LPP: variants seen among roughly 807,000 people sequenced by gnomAD.
The protein encoded by LPP is LIM domain containing preferred translocation partner in lipoma.
LPP carries 38 observed loss-of-function variants against 60.4 expected under a neutral mutation model. The observed-to-expected ratio is 0.63, with a 90% CI of 0.49 to 0.83. The LOEUF (loss-of-function observed/expected upper bound fraction) is 0.83. Ranked by LOEUF, LPP falls within the 40% of genes least tolerant of loss-of-function variation. The pLI is 0.00. For missense variants in LPP, 902 were observed against 783.6 expected (o/e 1.15, Z -1.80); for synonymous variants, 328 against 290.8 (o/e 1.13, Z -1.30).
chr3:188,822,235 A>G (rs1054392428), intron 9 of LPP, among the ~76,000 whole-genome samples: 2 of 152,226 alleles, frequency 1.3e-5, no homozygotes, highest in Admixed American at 6.5e-5. Flanking sequence ...TTGAAGTGAA[A>G]TGAAGCAACA....
intron 8 of LPP, chr3:188,711,129 T>C (rs1866549351): frequency 6.6e-6 from 1 of 152,212 alleles, no homozygotes; most frequent in Non-Finnish European, 1.5e-5. Flanking sequence ...CCATTAATAA[T>C]GCTCAATTTA....
At chr3:188,846,579 G>A (rs969677729) in intron 9 of LPP, among the ~76,000 whole-genome samples, 2 of 151,590 alleles carry the variant, frequency 1.3e-5, no homozygotes, top group Non-Finnish European at 2.9e-5. Flanking sequence ...AGCTACTTGG[G>A]AGGCTGAGGC....
intron 2 of LPP, among the ~76,000 whole-genome samples, chr3:188,253,073 C>CTTT (rs113892337): frequency 1.5e-5 from 2 of 136,568 alleles, no homozygotes; most frequent in African/African-American, 2.7e-5. Context: ...GTGCTCAGTC[C>CTTT]TTTTTTTTTT....
intron 5 of LPP, among the ~76,000 whole-genome samples, chr3:188,490,567 C>T (rs929994000): frequency 6.6e-6 from 1 of 151,598 alleles, no homozygotes; most frequent in Admixed American, 6.6e-5. Flanking sequence ...TTTCGCCACA[C>T]AGGCCAGTCT....
At position 188,889,667 on chromosome 3, in the gene LPP, A is replaced by G. The variant is rs1771045699; in HGVS notation, c.*15188A>G. 4.5e-6 allele frequency: 1 copy of G among 224,068 alleles called. No individual in the cohort carries two copies. The highest frequency in any genetic ancestry group is 8.9e-6 in the Non-Finnish European group (1 of 112,228). 13.9% of individuals were successfully genotyped at this position (224,068 alleles called of 1,614,324 possible). A position where few individuals can be genotyped will look rare whatever the true frequency, so the allele number is the denominator to read the frequency against. On this transcript the variant is annotated 3_prime_UTR_variant, in exon 12 of 12. Transcript: ENST00000617246. ...GGACTCCATGCCATTGCAGTCAGCCACCATTCTCTTTTCCATATAAGGAGC... is the reference window on the plus strand; with the variant it reads ...GGACTCCATGCCATTGCAGTCAGCCGCCATTCTCTTTTCCATATAAGGAGC...
At chr3:188,680,881 G>A (rs937327174) in intron 7 of LPP, among the ~76,000 whole-genome samples, 4 of 152,046 alleles carry the variant, frequency 2.6e-5, no homozygotes, top group African/African-American at 4.8e-5. Context: ...GGAGCACTGA[G>A]TATCCTTGCA....
chr3:188,501,566 G>A (rs976606513), intron 5 of LPP, among the ~76,000 whole-genome samples: 2 of 151,936 alleles, frequency 1.3e-5, no homozygotes, highest in Admixed American at 6.6e-5. Flanking sequence ...TGGCTAACGC[G>A]GTGAAACCCT....
At chr3:188,624,080 C>A (rs1846320302) in intron 7 of LPP, among the ~76,000 whole-genome samples, 1 of 152,174 alleles carries the variant, frequency 6.6e-6, no homozygotes, top group African/African-American at 2.4e-5. Context: ...CTAAAGACCT[C>A]CTTAGCTCCA....
At chr3:188,769,967 A>G (rs1577437783) in intron 9 of LPP, among the ~76,000 whole-genome samples, 1 of 152,098 alleles carries the variant, frequency 6.6e-6, no homozygotes, top group Non-Finnish European at 1.5e-5. Flanking sequence ...TCACCACTCA[A>G]TGTTTGCCAG....
chr3:188,834,281 CTT>C (rs1757789634), intron 9 of LPP, among the ~76,000 whole-genome samples: 1 of 123,498 alleles, frequency 8.1e-6, no homozygotes, highest in South Asian at 2.7e-4. Context: ...TTTCATCAAA[CTT>C]ATTATTTACC....
At chr3:188,380,439 C>G (rs1776564352) in intron 3 of LPP, among the ~76,000 whole-genome samples, 1 of 152,246 alleles carries the variant, frequency 6.6e-6, no homozygotes, top group South Asian at 2.1e-4. Context: ...GATATTGAGT[C>G]TATCCTTGTT....
chr3:188,583,188 T>C (rs1163519876), intron 6 of LPP, among the ~76,000 whole-genome samples: 1 of 152,206 alleles, frequency 6.6e-6, no homozygotes, highest in South Asian at 2.1e-4. Context: ...TGGTTTGTTT[T>C]CCACGTGCGA....
intron 9 of LPP, among the ~76,000 whole-genome samples, chr3:188,838,194 T>G (rs1004049173): frequency 2.0e-5 from 3 of 152,224 alleles, no homozygotes; most frequent in South Asian, 4.1e-4. Context: ...TTTCTGTTAT[T>G]ACAATAAATG....
chr3:188,708,155 A>C, intron 7 of LPP, 112 bp from the exon 8 acceptor site: 3 of 1,191,324 alleles, frequency 2.5e-6, no homozygotes, highest in Non-Finnish European at 3.5e-6. Context: ...GTCTCCTGAC[A>C]GCCACGTCCA....
intron 6 of LPP, among the ~76,000 whole-genome samples, chr3:188,595,370 A>G (rs1839789786): frequency 6.6e-6 from 1 of 152,208 alleles, no homozygotes; most frequent in Non-Finnish European, 1.5e-5. Flanking sequence ...GTTTCACTGG[A>G]GGAATAAGAC....
At chr3:188,197,181 G>T (rs1296335062) in intron 1 of LPP, among the ~76,000 whole-genome samples, 1 of 152,154 alleles carries the variant, frequency 6.6e-6, no homozygotes, top group Non-Finnish European at 1.5e-5. Flanking sequence ...TTCAAGGAAT[G>T]GTGACATTTA....
At chr3:188,819,027 CGTGTGTGTGTGTGTGTGTGTGT>C (rs59994224) in intron 9 of LPP, among the ~76,000 whole-genome samples, 3 of 142,198 alleles carry the variant, frequency 2.1e-5, no homozygotes, top group Non-Finnish European at 3.1e-5. Context: ...TCATGGGGGT[CGTGTGTGTGTGTGTGTGTGTGT>C]GTGTGTGTGT....
At chr3:188,544,534 C>G (rs1366891118) in intron 6 of LPP, among the ~76,000 whole-genome samples, 1 of 148,886 alleles carries the variant, frequency 6.7e-6, no homozygotes, top group Non-Finnish European at 1.5e-5. Context: ...CAGAGAAATG[C>G]AAATCAAAAC....
At position 188,827,446 on chromosome 3, in the gene LPP, T is replaced by G. The variant is rs558478454; in HGVS notation, c.1411-38754T>G. ...AACTTTAGAGGGAAACATGACTATT[T>G]CCATCATATGGTGATTCTACAGAGC... On this transcript the variant is annotated intron_variant, in intron 9 of 11. Coordinates refer to ENST00000617246, the MANE Select transcript of LPP (RefSeq NM_001375462.1). Among the ~76,000 whole-genome samples, 55 of 152,300 alleles carry G rather than the reference T, an allele frequency of 3.6e-4. 1 individual carries two copies. Among genetic ancestry groups the G allele is most frequent in the African/African-American group, 1.3e-3 (53 of 41,556 alleles).
Sources: allele counts gnomAD v4.1 joint callset (sites outside exome capture counted in the v4.1 genomes callset), GRCh38; gene constraint gnomAD v4.1.1; transcripts MANE v1.5; gene names NCBI Gene and HGNC (gene_info 2026-07-23, HGNC 2026-07-21).